Variants in RSL24D1 observed in about 807,000 individuals in gnomAD.
The protein encoded by RSL24D1 is ribosomal L24 domain containing 1.
A neutral mutation model predicts 26.2 loss-of-function variants in RSL24D1; 6 were observed. That is an observed-to-expected ratio of 0.23 (90% CI 0.13 to 0.45). The LOEUF is 0.45. RSL24D1 is among the 20% of genes least tolerant of loss of function. The probability of loss-of-function intolerance (pLI) is 0.99; values close to 1 mark genes in which losing one functional copy is unlikely to be tolerated. For missense variants in RSL24D1, 176 were observed against 202.6 expected, an observed-to-expected ratio of 0.87 and a Z score of 0.80; for synonymous variants, 61 against 59.1, an observed-to-expected ratio of 1.03 and a Z score of -0.15.
intron 4 of RSL24D1, among the ~76,000 whole-genome samples, chr15:55,185,071 G>A (rs1894209895): frequency 6.6e-6 from 1 of 152,122 alleles, no homozygotes; most frequent in Admixed American, 6.5e-5. Context: ...TTAATTTCCT[G>A]ACTGATAGAT....
intron 1 of RSL24D1, 31 bp downstream of exon 1, chr15:55,196,779 C>T: frequency 1.2e-6 from 2 of 1,611,392 alleles, no homozygotes; most frequent in South Asian, 1.1e-5. Flanking sequence ...GGGAGCTAGG[C>T]TGAAGCAAGA....
Position 55,196,810 on chromosome 15 carries a change from C to T in RSL24D1, c.81G>A (p.Lys27=). The T allele has an allele frequency of 6.2e-7, 1 of 1,614,178 alleles. No individual in the cohort carries two copies. The change falls in exon 1 of 6, where the codon AAG becomes AAA. Residue 27 remains lysine (K), a splice_region_variant and synonymous_variant. Transcript: ENST00000260443. The stretch of plus-strand genomic sequence containing the variant: ...CAAGAACTGGTGTCGACCGCCTTAC[C>T]TTGCAATCGTTGCGGACGAACATCA... The part of the protein sequence containing the change: ...HGMMFVRNDC[K]VFRFCKSKCH...
At chr15:55,186,922 G>A (rs1049192887) in intron 3 of RSL24D1, among the ~76,000 whole-genome samples, 22 of 152,122 alleles carry the variant, frequency 1.4e-4, no homozygotes, top group Non-Finnish European at 2.5e-4. Context: ...GAGACAAAGA[G>A]AAAAAATTAA....
At chr15:55,189,569 C>T (rs992878169) in intron 3 of RSL24D1, among the ~76,000 whole-genome samples, 5 of 152,144 alleles carry the variant, frequency 3.3e-5, no homozygotes, top group African/African-American at 4.8e-5. Context: ...AATATAAATT[C>T]GTAAACTTTC....
At chr15:55,185,776 T>C (rs1453091455) in intron 3 of RSL24D1, among the ~76,000 whole-genome samples, 1 of 152,188 alleles carries the variant, frequency 6.6e-6, no homozygotes, top group Admixed American at 6.5e-5. Context: ...GTAATTTCCA[T>C]GAATAAAGAC....
chr15:55,190,394 A>AC lies in RSL24D1; in HGVS notation c.268+580_268+581insG, dbSNP rs1555389925. ...AAACTTTCTGCCTATTTCAGGGAAA[A>AC]AAAACAAAACAAAACAAAACAAAAA... On this transcript the variant is annotated intron_variant, in intron 3 of 5. Transcript: ENST00000260443. 2.4e-3 allele frequency among the ~76,000 whole-genome samples: 367 copies of AC among 150,582 alleles called. 4 individuals are homozygous for AC. Among genetic ancestry groups the AC allele is most frequent in the African/African-American group, 8.5e-3 (347 of 40,912 alleles).
chr15:55,190,249 CAAAAA>C (rs57254193), intron 3 of RSL24D1, among the ~76,000 whole-genome samples: 3 of 34,470 alleles, frequency 8.7e-5, no homozygotes, highest in East Asian at 8.9e-4. Context: ...CTTTCCAACT[CAAAAA>C]AAAAAAAAAA....
chr15:55,184,149 C>G (rs1894199310), intron 4 of RSL24D1, among the ~76,000 whole-genome samples: 1 of 152,072 alleles, frequency 6.6e-6, no homozygotes, highest in Non-Finnish European at 1.5e-5. Context: ...ATGACATATT[C>G]CATAGCAATT....
In RSL24D1 at chr15:55,190,995, C is replaced by T. The variant is rs968465281; in HGVS notation, c.248G>A (p.Arg83Gln). The change falls in exon 3 of 6, where the codon CGA becomes CAA. Residue 83 changes from arginine (R) to glutamine (Q), a missense_variant. By Grantham distance (43) the Arg-to-Gln change is conservative. Around this residue, in one of 3 missense-constraint regions of RSL24D1, gnomAD observed 89 missense variants for 135.1 expected, o/e 0.66. Coordinates refer to ENST00000260443, the MANE Select transcript of RSL24D1 (RefSeq NM_016304.3). ...CTTACTAGTTTTATTCCATAGCTCT[C>T]GCTGGTATTTGATAGGTTCATTTCT... Reference protein sequence around the residue: ...KRRNEPIKYQRELWNKTIDAM... With the variant: ...KRRNEPIKYQQELWNKTIDAM... 3.1e-6 allele frequency: 5 copies of T among 1,603,784 alleles called. No homozygotes were observed. The highest frequency in any genetic ancestry group is 2.2e-5 in the East Asian group (1 of 44,524).
Position 55,181,395 on chromosome 15 carries a change from C to T in RSL24D1, c.*757G>A, listed in dbSNP as rs1390710020. 6.6e-6 allele frequency: 1 copy of T among 152,552 alleles called. No homozygotes were observed. The highest frequency in any genetic ancestry group is 2.4e-5 in the African/African-American group (1 of 41,428). The allele number at this position is 152,552 out of a possible 1,614,324, so 9.4% of individuals were successfully genotyped here. ...AAATTCTACTTTCCAAAAACAGGAG[C>T]TTTTTAAAAGAAAACCACATAACAA... is the stretch of plus-strand genomic sequence containing the variant. On this transcript the variant is annotated 3_prime_UTR_variant, in exon 6 of 6. Transcript: ENST00000260443.
At chr15:55,191,236 T>G (rs1894294293) in intron 2 of RSL24D1, among the ~76,000 whole-genome samples, 189 bp from the exon 3 acceptor site, 1 of 152,130 alleles carries the variant, frequency 6.6e-6, no homozygotes, top group Non-Finnish European at 1.5e-5. Context: ...TGAAGACATC[T>G]CTCCATATAC....
intron 1 of RSL24D1, 169 bp downstream of exon 1, chr15:55,196,641 C>T: frequency 3.1e-6 from 2 of 639,206 alleles, no homozygotes; most frequent in Non-Finnish European, 5.5e-6. Flanking sequence ...AGGAGAAACC[C>T]CCGAAGCGGA....
At position 55,196,879 on chromosome 15, in the gene RSL24D1, T is replaced by C; in HGVS notation, c.12A>G (p.Glu4=). 2 of 1,614,118 alleles carry C rather than the reference T, an allele frequency of 1.2e-6. No homozygotes were observed. The highest frequency in any genetic ancestry group is 1.7e-6 in the Non-Finnish European group (2 of 1,180,004). MRI[E]KCYFCSGPIY... ...TGGGCCCCGAACAGAAATAACACTTTTCGATACGCATGTTGAACCCGCGTG... is the reference window on the plus strand; with the variant it reads ...TGGGCCCCGAACAGAAATAACACTTCTCGATACGCATGTTGAACCCGCGTG... Residue 4 remains glutamate, a synonymous_variant, in exon 1 of 6, where the codon GAA becomes GAG. Coordinates refer to ENST00000260443, the MANE Select transcript of RSL24D1 (RefSeq NM_016304.3).
intron 1 of RSL24D1, among the ~76,000 whole-genome samples, chr15:55,193,070 A>C (rs1000736175): frequency 2.6e-5 from 4 of 152,242 alleles, no homozygotes; most frequent in African/African-American, 9.6e-5. Context: ...ATAGAATAAC[A>C]GTAAAATTAT....
chr15:55,188,911 G>A (rs909841643), intron 3 of RSL24D1, among the ~76,000 whole-genome samples: 6 of 152,202 alleles, frequency 3.9e-5, no homozygotes, highest in South Asian at 2.1e-4. Flanking sequence ...CTCAGGACTG[G>A]CCAAGTGCGG....
intron 3 of RSL24D1, among the ~76,000 whole-genome samples, chr15:55,190,441 G>A (rs1894284133): frequency 1.3e-5 from 2 of 151,790 alleles, no homozygotes; most frequent in Admixed American, 6.6e-5. Flanking sequence ...AGATATTATT[G>A]CTTTTAATTT....
chr15:55,186,031 T>A (rs1172854152), intron 3 of RSL24D1, among the ~76,000 whole-genome samples: 2 of 152,308 alleles, frequency 1.3e-5, no homozygotes, highest in Admixed American at 1.3e-4. Flanking sequence ...AGTAGCCGTA[T>A]TTTTTAAAGT....
rs576904250 is a variant in RSL24D1, at chr15:55,193,379, G to A, written c.82-546C>T. Among the ~76,000 whole-genome samples the A allele has an allele frequency of 8.9e-4, 136 of 152,234 alleles. 1 individual carries two copies. Among genetic ancestry groups the A allele is most frequent in the African/African-American group, 3.2e-3 (132 of 41,524 alleles). ...CTACAAGATTTAATCCTTTAATAGT[G>A]CTAACTTACAACTGATGATGCTTCA... On this transcript the variant is annotated intron_variant, in intron 1 of 5. Coordinates refer to ENST00000260443, the MANE Select transcript of RSL24D1 (RefSeq NM_016304.3).
chr15:55,195,024 C>CAAAAA (rs34525957), intron 1 of RSL24D1, among the ~76,000 whole-genome samples: 13 of 48,262 alleles, frequency 2.7e-4, no homozygotes, highest in Non-Finnish European at 3.6e-4. Flanking sequence ...GACCCTGTCT[C>CAAAAA]AAAAAAAAAA....
Sources: gnomAD v4.1 joint callset for allele counts (sites outside exome capture counted in the v4.1 genomes callset) on GRCh38, gnomAD v4.1.1 for gene constraint, gnomAD v4.1.1 regional missense constraint, MANE v1.5 for transcripts, NCBI Gene and HGNC (gene_info 2026-07-23, HGNC 2026-07-21) for gene names.